Variants in PRKDC observed in about 807,000 individuals in gnomAD.
The protein encoded by PRKDC is protein kinase, DNA-activated, catalytic subunit, also known as DNA-dependent protein kinase catalytic subunit.
Under a neutral mutation model 486.9 loss-of-function variants are expected in PRKDC, and 82 were observed. The observed-to-expected ratio is 0.17, with a 90% CI of 0.14 to 0.20. The LOEUF is 0.20. Ranked by LOEUF, PRKDC falls within the 10% of genes least tolerant of loss-of-function variation. The probability of loss-of-function intolerance (pLI) is 1.00; values close to 1 mark genes in which losing one functional copy is unlikely to be tolerated. For synonymous variants in PRKDC, 1,895 were observed against 1,837.0 expected, an observed-to-expected ratio of 1.03 and a Z score of -0.81; for missense variants, 4,504 against 5,038.2, an observed-to-expected ratio of 0.89 and a Z score of 3.21.
Position 47,823,928 on chromosome 8 carries a change from T to C in PRKDC, c.8852A>G (p.Gln2951Arg). The C allele has an allele frequency of 1.2e-6, 2 of 1,613,968 alleles. No homozygotes were observed. Among genetic ancestry groups the C allele is most frequent in the Non-Finnish European group, 1.7e-6 (2 of 1,179,850 alleles). ...TGCTAATAATGCACTCTGAGTGATT[T>C]GCTTTGTTCCTATCTCACTGGTAAA... ...GIFTSEIGTKQITQSALLAEA... is the reference protein window; with the variant it reads ...GIFTSEIGTKRITQSALLAEA... Residue 2951 changes from glutamine (Q) to arginine (R), a missense_variant, in exon 64 of 86, where the codon CAA becomes CGA. Physicochemically the swap from Gln to Arg is conservative, Grantham distance 43 (BLOSUM62 1). This residue lies in a region of PRKDC where 1,592 missense variants were observed against 1,724.6 expected (regional missense o/e 0.92). Transcript: ENST00000314191.
In PRKDC at chr8:47,851,464, C is replaced by A. The variant is rs192350540; in HGVS notation, c.7005+1209G>T. Among the ~76,000 whole-genome samples the A allele has an allele frequency of 1.8e-4, 28 of 152,268 alleles. 3 individuals are homozygous for A. The highest frequency in any genetic ancestry group is 6.5e-4 in the African/African-American group (27 of 41,548). ...GGGTCATCTTAATTTTATTTTAAATCCAAACAAATCCATACTTGGTGACAT... is the reference window on the plus strand; with the variant it reads ...GGGTCATCTTAATTTTATTTTAAATACAAACAAATCCATACTTGGTGACAT... On this transcript the variant is annotated intron_variant, in intron 52 of 85. Coordinates refer to ENST00000314191, the MANE Select transcript of PRKDC (RefSeq NM_006904.7).
At chr8:47,892,501 T>A (rs982242328) in intron 31 of PRKDC, among the ~76,000 whole-genome samples, 1 of 152,092 alleles carries the variant, frequency 6.6e-6, no homozygotes. Context: ...TGACTAACTT[T>A]AGTATTTTTT....
intron 40 of PRKDC, among the ~76,000 whole-genome samples, chr8:47,875,827 A>G (rs982933685): frequency 6.6e-6 from 1 of 152,190 alleles, no homozygotes; most frequent in Non-Finnish European, 1.5e-5. Context: ...GGTCTAGTAT[A>G]TAGTCTGTCC....
At chr8:47,822,004 T>C (rs1474589461) in intron 64 of PRKDC, among the ~76,000 whole-genome samples, 1 of 152,174 alleles carries the variant, frequency 6.6e-6, no homozygotes, top group African/African-American at 2.4e-5. Context: ...AAAACCCAGC[T>C]GGGCACGCTG....
chr8:47,945,285 T>C (rs1039177983), intron 7 of PRKDC, among the ~76,000 whole-genome samples: 1 of 152,224 alleles, frequency 6.6e-6, no homozygotes, highest in Non-Finnish European at 1.5e-5. Flanking sequence ...ATTTAAACAA[T>C]GTGTACAGAT....
intron 10 of PRKDC, among the ~76,000 whole-genome samples, chr8:47,942,671 G>A (rs922515519): frequency 6.6e-6 from 1 of 152,216 alleles, no homozygotes. Flanking sequence ...GGCCCCTGCA[G>A]CCACCTCTGG....
At chr8:47,795,783 G>A (rs902541593) in intron 73 of PRKDC, among the ~76,000 whole-genome samples, 15 of 151,888 alleles carry the variant, frequency 9.9e-5, no homozygotes, top group African/African-American at 1.7e-4. Context: ...ATGAGCCACC[G>A]CGCCTGGTCC....
At chr8:47,907,967 C>T (rs984425023) in intron 25 of PRKDC, among the ~76,000 whole-genome samples, 1 of 152,134 alleles carries the variant, frequency 6.6e-6, no homozygotes, top group African/African-American at 2.4e-5. Flanking sequence ...CACAACCAAG[C>T]TACCAGAACC....
rs761291525 is a variant in PRKDC at position 47,930,738 on chromosome 8, G to T, written c.1826C>A (p.Ala609Glu). The T allele has an allele frequency of 1.3e-6, 2 of 1,591,386 alleles. No individual in the cohort carries two copies. Among genetic ancestry groups the T allele is most frequent in the South Asian group, 1.2e-5 (1 of 86,788 alleles). ...GVWMIPTSDP[A>E]ANLHPAKPKD... Reference sequence around the variant, plus strand: ...AGGTTTAGCTGGATGCAAGTTAGCCGCTGGATCTGAAGTTGGGATCATCCA... The same window carrying T: ...AGGTTTAGCTGGATGCAAGTTAGCCTCTGGATCTGAAGTTGGGATCATCCA... Residue 609 changes from alanine (A) to glutamate (E), a missense_variant, in exon 17 of 86, where the codon GCG becomes GAG. Coordinates refer to ENST00000314191, the MANE Select transcript of PRKDC (RefSeq NM_006904.7).
chr8:47,890,910 T>C (rs567497765), intron 31 of PRKDC, among the ~76,000 whole-genome samples: 6 of 152,160 alleles, frequency 3.9e-5, no homozygotes, highest in Admixed American at 1.3e-4. Context: ...CTGTTATCAA[T>C]AATGAATGTT....
At chr8:47,941,022 T>C (rs1262505319) in intron 10 of PRKDC, among the ~76,000 whole-genome samples, 1 of 150,684 alleles carries the variant, frequency 6.6e-6, no homozygotes, top group Non-Finnish European at 1.5e-5. Flanking sequence ...CCCAACTATT[T>C]GGGAGGCTGA....
chr8:47,816,444 C>A (rs1275602410), intron 68 of PRKDC, among the ~76,000 whole-genome samples: 1 of 152,140 alleles, frequency 6.6e-6, no homozygotes. Flanking sequence ...CTGTACTGAT[C>A]TTGTTGTAGA....
chr8:47,939,433 A>T, intron 11 of PRKDC, 118 bp downstream of exon 11: 1 of 1,172,562 alleles, frequency 8.5e-7, no homozygotes, highest in Non-Finnish European at 1.2e-6. Context: ...CGCCCATGTT[A>T]TTCAAGGGTC....
At chr8:47,879,404 A>G (rs1054380226) in intron 39 of PRKDC, 87 bp downstream of exon 39, 11 of 1,239,298 alleles carry the variant, frequency 8.9e-6, no homozygotes, top group African/African-American at 1.5e-5. Context: ...CTGATTGTGG[A>G]TATTTTACTC....
intron 26 of PRKDC, among the ~76,000 whole-genome samples, chr8:47,903,031 C>T (rs1299619548): frequency 6.6e-6 from 1 of 151,924 alleles, no homozygotes; most frequent in Admixed American, 6.6e-5. Context: ...AATTAATAAA[C>T]TGAAAAGCCA....
intron 28 of PRKDC, 44 bp downstream of exon 28, chr8:47,900,329 T>A: frequency 7.1e-7 from 1 of 1,405,528 alleles, no homozygotes; most frequent in East Asian, 2.5e-5. Flanking sequence ...TTGGGGAAAC[T>A]CTTCAGACCT....
chr8:47,826,513 C>T, intron 63 of PRKDC, 143 bp downstream of exon 63: 1 of 837,512 alleles, frequency 1.2e-6, no homozygotes, highest in East Asian at 2.7e-5. Context: ...TGGTACTCAG[C>T]CTGAAAGACT....
At chr8:47,847,498 T>C (rs746901446) in intron 54 of PRKDC, among the ~76,000 whole-genome samples, 1 of 152,144 alleles carries the variant, frequency 6.6e-6, no homozygotes, top group Non-Finnish European at 1.5e-5. Flanking sequence ...AAAATTAAGA[T>C]GGATTACAGA....
At position 47,819,540 on chromosome 8, in the gene PRKDC, T is replaced by C. The variant is rs146564000; in HGVS notation, c.9337-30A>G. 747 of 1,080,152 alleles carry C rather than the reference T, an allele frequency of 6.9e-4. 7 individuals carry two copies. In the East Asian group the frequency reaches 0.013, roughly 20 times the overall value. 66.9% of individuals were successfully genotyped at this position (1,080,152 alleles called of 1,614,324 possible). ...AAAAAAAAAAAAAAAAAAAAGGGCA[T>C]TTACAAATGCCATGTTATAAATCAA... On this transcript the variant is annotated intron_variant, in intron 66 of 85. Transcript: ENST00000314191.
Sources: gnomAD v4.1 joint callset for allele counts (sites outside exome capture counted in the v4.1 genomes callset) on GRCh38, gnomAD v4.1.1 for gene constraint, gnomAD v4.1.1 regional missense constraint, MANE v1.5 for transcripts, NCBI Gene and HGNC (gene_info 2026-07-23, HGNC 2026-07-21) for gene names.